MYL12B: variants seen among roughly 807,000 people sequenced by gnomAD.
MYL12B encodes myosin regulatory light chain 12B.
MYL12B carries 3 observed loss-of-function variants against 12.9 expected under a neutral mutation model. That is an observed-to-expected ratio of 0.23 (90% CI 0.11 to 0.60). The LOEUF is 0.60. Ranked by LOEUF, MYL12B falls within the 20% of genes least tolerant of loss-of-function variation. The pLI, the probability that MYL12B is intolerant of heterozygous loss-of-function variation, is 0.89. For missense variants in MYL12B, 120 were observed against 215.4 expected, an observed-to-expected ratio of 0.56 and a Z score of 2.77; for synonymous variants, 57 against 71.9, an observed-to-expected ratio of 0.79 and a Z score of 1.05.
chr18:3,278,153 C>T lies in MYL12B; in HGVS notation c.*216C>T, dbSNP rs577234267. ...GTGTAAATTGTATTGAAAAAGATCG[C>T]GAATAAAAATCAACAAATGTGAAAG... On this transcript the variant is annotated 3_prime_UTR_variant, in exon 4 of 4. Transcript: ENST00000237500. The T allele has an allele frequency of 3.2e-5, 13 of 411,872 alleles. No homozygotes were observed. Among genetic ancestry groups the T allele is most frequent in the South Asian group, 2.8e-4 (3 of 10,634 alleles). The allele number at this position is 411,872 out of a possible 1,614,324, so 25.5% of individuals were successfully genotyped here.
At chr18:3,272,026 T>C in intron 1 of MYL12B, 1 of 981,868 alleles carries the variant, frequency 1.0e-6, no homozygotes. Flanking sequence ...ACCCCCCATC[T>C]CTAAAATAAA....
At chr18:3,268,152 C>T (rs989871348) in intron 1 of MYL12B, among the ~76,000 whole-genome samples, 14 of 152,220 alleles carry the variant, frequency 9.2e-5, no homozygotes, top group African/African-American at 2.9e-4. Flanking sequence ...ATATCCCCCT[C>T]AGATAAGGAG....
chr18:3,276,168 G>A (rs555722791), intron 2 of MYL12B, among the ~76,000 whole-genome samples: 1 of 151,658 alleles, frequency 6.6e-6, no homozygotes, highest in Admixed American at 6.6e-5. Flanking sequence ...ACCAGTCAAT[G>A]TTAGACTTTT....
intron 1 of MYL12B, 93 bp from the exon 2 acceptor site, chr18:3,272,791 T>G: frequency 8.7e-7 from 1 of 1,149,180 alleles, no homozygotes; most frequent in Non-Finnish European, 1.2e-6. Context: ...TATTGATATT[T>G]TTACCTACAG....
intron 1 of MYL12B, 128 bp from the exon 2 acceptor site, chr18:3,272,756 C>T (rs1219353829): frequency 2.3e-6 from 2 of 871,256 alleles, no homozygotes; most frequent in South Asian, 2.9e-5. Flanking sequence ...ATACTTATTC[C>T]TACCCAATTG....
At chr18:3,274,036 A>G (rs2081707121) in intron 2 of MYL12B, among the ~76,000 whole-genome samples, 1 of 152,164 alleles carries the variant, frequency 6.6e-6, no homozygotes, top group African/African-American at 2.4e-5. Context: ...TATAGTGAAC[A>G]CCTATACATC....
chr18:3,266,400 C>T (rs1341114208), intron 1 of MYL12B, among the ~76,000 whole-genome samples: 1 of 29,850 alleles, frequency 3.4e-5, no homozygotes, highest in Non-Finnish European at 7.6e-5. Context: ...AAGCCAAACA[C>T]CCTCATTTCA....
chr18:3,276,105 T>G (rs1266852783), intron 2 of MYL12B, among the ~76,000 whole-genome samples: 1 of 151,954 alleles, frequency 6.6e-6, no homozygotes, highest in African/African-American at 2.4e-5. Flanking sequence ...GTTCTTTTCA[T>G]GTAAAATCAT....
At chr18:3,262,410 G>C (rs1450756819) in intron 1 of MYL12B, 173 bp downstream of exon 1, 1 of 35,608 alleles carries the variant, frequency 2.8e-5, no homozygotes, top group Non-Finnish European at 1.3e-4. Context: ...GAGGGAGGAG[G>C]GTTGGCGGCG....
chr18:3,273,096 T>A lies in MYL12B; in HGVS notation c.184+14T>A. On this transcript the variant is annotated intron_variant, in intron 2 of 3. Coordinates refer to ENST00000237500, the MANE Select transcript of MYL12B (RefSeq NM_033546.4). ...TTGCTTCTCTAGGTAGACTTTATAT[T>A]CTTTATTTGTATTTTCCCTAAAATA... 6.5e-7 allele frequency: 1 copy of A among 1,544,750 alleles called. No individual in the cohort carries two copies. The highest frequency in any genetic ancestry group is 8.7e-7 in the Non-Finnish European group (1 of 1,144,126).
At chr18:3,276,942 TAAGATG>T in intron 2 of MYL12B, 1 of 964,398 alleles carries the variant, frequency 1.0e-6, no homozygotes, top group Non-Finnish European at 1.2e-6. Context: ...AAAAAAAAAT[TAAGATG>T]TAATAATGTG....
At chr18:3,267,501 T>TA (rs988684916) in intron 1 of MYL12B, among the ~76,000 whole-genome samples, 27 of 152,358 alleles carry the variant, frequency 1.8e-4, no homozygotes, top group African/African-American at 6.5e-4. Context: ...AGTATGTTGA[T>TA]ACCACAGCCA....
rs564084163 is a variant in MYL12B, at chr18:3,277,145, T to C, written c.185-108T>C. 9.8e-5 allele frequency: 125 copies of C among 1,270,462 alleles called. No individual in the cohort carries two copies. In the African/African-American group the frequency reaches 1.5e-3, roughly 15 times the overall value. The allele number at this position is 1,270,462 out of a possible 1,614,324, so 78.7% of individuals were successfully genotyped here. ...TCTTAAAGTTAATTGAAAAATTAGT[T>C]TCAAATGATGTACATTTTAAAAATA... On this transcript the variant is annotated intron_variant, in intron 2 of 3. Transcript: ENST00000237500.
In MYL12B at chr18:3,277,454, A is replaced by G. The variant is rs780590086; in HGVS notation, c.346+40A>G. On this transcript the variant is annotated intron_variant, in intron 3 of 3. Transcript: ENST00000237500. ...TTTATGCCCAGCCTCATTCCACACT[A>G]TATAAAGTACTTCTGTGAAATAGAA... 9 of 1,581,406 alleles carry G rather than the reference A, an allele frequency of 5.7e-6. 1 individual carries two copies. Among genetic ancestry groups the G allele is most frequent in the African/African-American group, 5.5e-5 (4 of 72,836 alleles).
intron 1 of MYL12B, chr18:3,262,915 C>T (rs184534902): frequency 5.9e-4 from 90 of 152,334 alleles, no homozygotes; most frequent in African/African-American, 2.1e-3. Flanking sequence ...GGACCATTAA[C>T]AGAAATAGGG....
intron 1 of MYL12B, among the ~76,000 whole-genome samples, chr18:3,270,735 T>C (rs957607582): frequency 1.3e-5 from 2 of 152,202 alleles, no homozygotes; most frequent in African/African-American, 4.8e-5. Context: ...AGGGGCACCA[T>C]TACGGTTCAC....
At chr18:3,270,916 CT>C (rs1406297348) in intron 1 of MYL12B, among the ~76,000 whole-genome samples, 1 of 152,196 alleles carries the variant, frequency 6.6e-6, no homozygotes, top group Non-Finnish European at 1.5e-5. Flanking sequence ...AAGCAGTCTT[CT>C]GGCCTCAGCC....
chr18:3,271,160 TGAA>T (rs983615628), intron 1 of MYL12B, among the ~76,000 whole-genome samples: 3 of 152,192 alleles, frequency 2.0e-5, no homozygotes, highest in African/African-American at 7.2e-5. Context: ...TTTTGGTATG[TGAA>T]GAAGAATGAA....
In MYL12B at chr18:3,271,006, T is replaced by G. The variant is rs141276880; in HGVS notation, c.-15-1878T>G. On this transcript the variant is annotated intron_variant, in intron 1 of 3. Transcript: ENST00000237500. ...TTTAAAAATAAATATTTAACTCTTT[T>G]GGAACTTTTTCTAAATAACTCGATT... Among the ~76,000 whole-genome samples the G allele has an allele frequency of 1.3e-4, 20 of 152,300 alleles. No individual in the cohort carries two copies. The East Asian group carries it at 3.3e-3, about 25-fold the overall frequency.
Sources: gnomAD v4.1 joint callset for allele counts (sites outside exome capture counted in the v4.1 genomes callset) on GRCh38, gnomAD v4.1.1 for gene constraint, MANE v1.5 for transcripts, NCBI Gene and HGNC (gene_info 2026-07-23, HGNC 2026-07-21) for gene names.